Variants in CSMD1 observed in about 807,000 individuals in gnomAD.
CSMD1 encodes CUB and sushi domain-containing protein 1.
CSMD1 carries 213 observed loss-of-function variants against 417.5 expected under a neutral mutation model. That is an observed-to-expected ratio of 0.51 (90% CI 0.46 to 0.57). CSMD1 has a LOEUF of 0.57. Among genes scored for constraint, CSMD1 ranks in the 20% least tolerant of loss-of-function variants. CSMD1 has a pLI of 0.00. For missense variants in CSMD1, 6,923 were observed against 4,529.7 expected (o/e 1.53, Z -15.17); for synonymous variants, 2,862 against 1,736.8 (o/e 1.65, Z -16.11).
chr8:4,623,972 G>A (rs1366720190), intron 2 of CSMD1, among the ~76,000 whole-genome samples: 1 of 152,012 alleles, frequency 6.6e-6, no homozygotes, highest in African/African-American at 2.4e-5. Flanking sequence ...TTCAATATCT[G>A]CACTTTATTG....
At chr8:4,401,210 G>T (rs1025750715) in intron 3 of CSMD1, among the ~76,000 whole-genome samples, 1 of 152,104 alleles carries the variant, frequency 6.6e-6, no homozygotes, top group Non-Finnish European at 1.5e-5. Flanking sequence ...AACGGTTTCT[G>T]AAATAACTTA....
intron 1 of CSMD1, among the ~76,000 whole-genome samples, chr8:4,938,539 T>C (rs186838399): frequency 2.0e-5 from 3 of 152,298 alleles, no homozygotes; most frequent in Admixed American, 6.5e-5. Context: ...CTGTGCTGAG[T>C]ATGACAGGGA....
intron 3 of CSMD1, among the ~76,000 whole-genome samples, chr8:4,161,895 G>A (rs1249657734): frequency 6.6e-6 from 1 of 152,048 alleles, no homozygotes; most frequent in African/African-American, 2.4e-5. Flanking sequence ...GGTTCAGTAA[G>A]TCAAGACTTC....
intron 1 of CSMD1, among the ~76,000 whole-genome samples, chr8:4,765,711 A>G (rs963797183): frequency 2.6e-5 from 4 of 152,194 alleles, no homozygotes; most frequent in African/African-American, 7.2e-5. Flanking sequence ...ATTGTGCCCA[A>G]TTGGGCAGGC....
At chr8:4,719,787 T>C (rs150150475) in intron 1 of CSMD1, among the ~76,000 whole-genome samples, 1 of 152,308 alleles carries the variant, frequency 6.6e-6, no homozygotes, top group African/African-American at 2.4e-5. Context: ...TTATTTCCCT[T>C]TGAGAGCTTG....
intron 3 of CSMD1, among the ~76,000 whole-genome samples, chr8:4,123,891 C>A (rs183468815): frequency 6.6e-6 from 1 of 152,096 alleles, no homozygotes; most frequent in Non-Finnish European, 1.5e-5. Flanking sequence ...TATGTGATTC[C>A]TGAAATCAGA....
At chr8:3,716,862 C>CAAA in intron 6 of CSMD1, among the ~76,000 whole-genome samples, 1 of 152,146 alleles carries the variant, frequency 6.6e-6, no homozygotes, top group South Asian at 2.1e-4. Context: ...TCGGAATTAT[C>CAAA]AAGAGTAATA....
At chr8:4,239,010 A>T (rs1027959082) in intron 3 of CSMD1, among the ~76,000 whole-genome samples, 3 of 152,198 alleles carry the variant, frequency 2.0e-5, no homozygotes, top group Non-Finnish European at 2.9e-5. Context: ...TGGCTACAGG[A>T]TTAGGTTCGA....
chr8:4,317,237 G>A (rs771799121), intron 3 of CSMD1, among the ~76,000 whole-genome samples: 10 of 151,392 alleles, frequency 6.6e-5, no homozygotes, highest in Non-Finnish European at 1.3e-4. Context: ...AGGTAGGCAG[G>A]GAATTTTTCT....
chr8:3,018,265 C>T (rs1809032584), intron 52 of CSMD1, among the ~76,000 whole-genome samples: 1 of 152,134 alleles, frequency 6.6e-6, no homozygotes, highest in Non-Finnish European at 1.5e-5. Context: ...GCCTTTATGG[C>T]ACTTAAGGCA....
chr8:2,962,693 A>C, intron 60 of CSMD1, 54 bp from the exon 61 acceptor site: 1 of 1,548,964 alleles, frequency 6.5e-7, no homozygotes, highest in Non-Finnish European at 8.8e-7. Context: ...GATCAGCTTC[A>C]CCAATTGAGC....
chr8:4,842,179 A>C (rs936382326), intron 1 of CSMD1, among the ~76,000 whole-genome samples: 13 of 152,208 alleles, frequency 8.5e-5, no homozygotes, highest in African/African-American at 2.9e-4. Flanking sequence ...CCAGACACAC[A>C]TGAAAAGAAT....
intron 3 of CSMD1, among the ~76,000 whole-genome samples, chr8:4,374,540 G>C (rs894088224): frequency 2.0e-5 from 3 of 152,082 alleles, no homozygotes; most frequent in Non-Finnish European, 4.4e-5. Context: ...AGGCTGGTCA[G>C]TCCCACTCAA....
chr8:4,624,545 G>T lies in CSMD1; in HGVS notation c.302+12797C>A, dbSNP rs139487239. 3.0e-3 allele frequency among the ~76,000 whole-genome samples: 458 copies of T among 152,214 alleles called. 3 individuals carry two copies. The highest frequency in any genetic ancestry group is 0.011 in the African/African-American group (445 of 41,532). On this transcript the variant is annotated intron_variant, in intron 2 of 69. Coordinates refer to ENST00000635120, the MANE Select transcript of CSMD1 (RefSeq NM_033225.6). ...TTTGGCCTGCACTGGAATTTAAACC[G>T]GAGGGGATTTCACATATTGAAGATT...
chr8:4,267,700 G>T (rs1437959991), intron 3 of CSMD1, among the ~76,000 whole-genome samples: 7 of 152,016 alleles, frequency 4.6e-5, no homozygotes, highest in Non-Finnish European at 1.5e-5. Flanking sequence ...TGTCTTACAT[G>T]ACTTTACATC....
At chr8:4,196,987 A>G (rs1171601859) in intron 3 of CSMD1, among the ~76,000 whole-genome samples, 3 of 152,202 alleles carry the variant, frequency 2.0e-5, no homozygotes, top group African/African-American at 7.2e-5. Flanking sequence ...CCCTCACAAT[A>G]TCTATTCTAC....
intron 3 of CSMD1, among the ~76,000 whole-genome samples, chr8:4,228,589 CT>C (rs201365918): frequency 0.051 from 7,094 of 138,290 alleles, 185 homozygotes; most frequent in East Asian, 0.094. Context: ...TCTGTCAGAT[CT>C]TTTTTTTTTT....
chr8:4,373,128 A>T (rs1802499458), intron 3 of CSMD1, among the ~76,000 whole-genome samples: 1 of 152,134 alleles, frequency 6.6e-6, no homozygotes, highest in African/African-American at 2.4e-5. Flanking sequence ...CATGAGAAAA[A>T]CATCAGACAC....
intron 7 of CSMD1, among the ~76,000 whole-genome samples, chr8:3,700,231 C>G (rs918776787): frequency 1.3e-5 from 2 of 152,070 alleles, no homozygotes; most frequent in African/African-American, 2.4e-5. Context: ...AACCATATAC[C>G]ACCTGTACCC....
Sources: allele counts gnomAD v4.1 joint callset (sites outside exome capture counted in the v4.1 genomes callset), GRCh38; gene constraint gnomAD v4.1.1; transcripts MANE v1.5; gene names NCBI Gene and HGNC (gene_info 2026-07-23, HGNC 2026-07-21).